ALDH1L1: variants seen among roughly 807,000 people sequenced by gnomAD.
ALDH1L1 encodes the protein aldehyde dehydrogenase 1 family member L1.
In ALDH1L1, 68 loss-of-function variants were observed where a neutral mutation model predicts 101.1. The observed-to-expected ratio is 0.67, with a 90% CI of 0.55 to 0.82. The LOEUF (loss-of-function observed/expected upper bound fraction) is 0.82. ALDH1L1 is among the 40% of genes least tolerant of loss of function. The pLI is 0.00. For missense variants in ALDH1L1, 1,087 were observed against 1,172.7 expected (o/e 0.93, Z 1.07); for synonymous variants, 486 against 470.8 (o/e 1.03, Z -0.42).
At chr3:126,146,705 CCCTT>C in intron 9 of ALDH1L1, 126 bp downstream of exon 9, 2 of 917,888 alleles carry the variant, frequency 2.2e-6, no homozygotes, top group Non-Finnish European at 3.3e-6. Flanking sequence ...TGCACACTGG[CCCTT>C]CCTGGGTCCC....
chr3:126,114,422 T>C (rs1688707289), intron 18 of ALDH1L1, 135 bp downstream of exon 18: 3 of 621,038 alleles, frequency 4.8e-6, no homozygotes, highest in African/African-American at 3.7e-5. Flanking sequence ...TGCCACGCTA[T>C]GCTTGTGATG....
chr3:126,112,906 G>T (rs1273552344), intron 18 of ALDH1L1, 26 bp from the exon 19 acceptor site: 12 of 1,605,904 alleles, frequency 7.5e-6, no homozygotes, highest in Non-Finnish European at 9.4e-6. Context: ...AAGAACACCA[G>T]GTCACTGCTC....
chr3:126,186,968 C>A (rs893165307), intron 1 of ALDH1L1, among the ~76,000 whole-genome samples: 1 of 152,180 alleles, frequency 6.6e-6, no homozygotes, highest in Non-Finnish European at 1.5e-5. Flanking sequence ...GCTGGGAGGG[C>A]AAAGTCACTG....
intron 20 of ALDH1L1, chr3:126,108,125 A>G (rs1477840476): frequency 1.3e-5 from 2 of 152,260 alleles, no homozygotes; most frequent in African/African-American, 4.8e-5. Context: ...ATGTACATGC[A>G]TAGTGGTTTA....
chr3:126,123,105 TATATC>T (rs766656272), intron 16 of ALDH1L1, among the ~76,000 whole-genome samples: 2 of 152,166 alleles, frequency 1.3e-5, no homozygotes, highest in Non-Finnish European at 2.9e-5. Context: ...TGTAAAAATA[TATATC>T]ATGTCAACAG....
At chr3:126,178,964 CG>C (rs896073989) in intron 1 of ALDH1L1, among the ~76,000 whole-genome samples, 8 of 151,524 alleles carry the variant, frequency 5.3e-5, no homozygotes, top group African/African-American at 1.9e-4. Context: ...AAGAGTATGT[CG>C]TTCCCCCCCT....
intron 16 of ALDH1L1, among the ~76,000 whole-genome samples, chr3:126,124,114 C>T (rs1219338034): frequency 4.2e-5 from 1 of 23,640 alleles, no homozygotes; most frequent in Non-Finnish European, 8.8e-5. Context: ...CGCGCGGACA[C>T]ACACACACAC....
At chr3:126,107,117 T>TGAGACATCAGCAGGATTCCC in intron 21 of ALDH1L1, 24 bp downstream of exon 21, 1 of 1,600,516 alleles carries the variant, frequency 6.2e-7, no homozygotes, top group Non-Finnish European at 8.6e-7. Flanking sequence ...TCAGGGCCCT[T>TGAGACATCAGCAGGATTCCC]GAGACATCAG....
upstream of ALDH1L1, among the ~76,000 whole-genome samples, chr3:126,184,107 C>T (rs1043277442): frequency 3.3e-5 from 5 of 152,184 alleles, no homozygotes; most frequent in Non-Finnish European, 7.3e-5. Context: ...TTTCCGAATC[C>T]ATCCTTTCAT....
chr3:126,129,220 G>A (rs2080248772), intron 14 of ALDH1L1: 5 of 152,302 alleles, frequency 3.3e-5, no homozygotes, highest in Admixed American at 2.6e-4. Flanking sequence ...GCCTCCTCCA[G>A]CCCGTGCTTG....
intron 9 of ALDH1L1, among the ~76,000 whole-genome samples, chr3:126,143,894 T>C (rs1304537041): frequency 6.6e-6 from 1 of 152,214 alleles, no homozygotes; most frequent in Non-Finnish European, 1.5e-5. Context: ...CATTGGGCTA[T>C]GATCAAACCA....
chr3:126,147,480 G>T (rs4646721), intron 8 of ALDH1L1, among the ~76,000 whole-genome samples: 7 of 152,154 alleles, frequency 4.6e-5, no homozygotes, highest in South Asian at 2.1e-4. Flanking sequence ...GATTCAGTCT[G>T]GGACCTATGG....
At chr3:126,120,842 A>C (rs939162350) in intron 16 of ALDH1L1, among the ~76,000 whole-genome samples, 1 of 152,224 alleles carries the variant, frequency 6.6e-6, no homozygotes, top group African/African-American at 2.4e-5. Context: ...AAATATTTGC[A>C]AAAAGGTATC....
intron 15 of ALDH1L1, 128 bp from the exon 16 acceptor site, chr3:126,124,579 C>A: frequency 1.3e-6 from 1 of 753,892 alleles, no homozygotes; most frequent in Non-Finnish European, 2.2e-6. Context: ...GATTGTGGCA[C>A]CAGGAAGACC....
At chr3:126,119,209 G>C (rs760008199) in intron 16 of ALDH1L1, among the ~76,000 whole-genome samples, 1 of 152,138 alleles carries the variant, frequency 6.6e-6, no homozygotes, top group Non-Finnish European at 1.5e-5. Context: ...GCCATCTTCA[G>C]GTATGTCACC....
rs200389508 is a variant in ALDH1L1, at chr3:126,170,985, CACTAAG to C, written c.-24+9485_-24+9490del. Among the ~76,000 whole-genome samples, 100 of 152,238 alleles carry C rather than the reference CACTAAG, an allele frequency of 6.6e-4. No homozygotes were observed. In the East Asian group the frequency reaches 0.019, roughly 29 times the overall value. ...AAGCACATTCCCTTTCCTTCAGGGG[CACTAAG>C]ACAGGAAAGCTAAAAGCAGACTCTT... On this transcript the variant is annotated intron_variant, in intron 1 of 22. Coordinates refer to ENST00000393434, the MANE Select transcript of ALDH1L1 (RefSeq NM_012190.4).
intron 9 of ALDH1L1, among the ~76,000 whole-genome samples, chr3:126,142,363 G>A (rs192226229): frequency 1.3e-5 from 2 of 152,330 alleles, no homozygotes; most frequent in African/African-American, 4.8e-5. Context: ...CGTTTACTCT[G>A]AGACCAAAGC....
Position 126,135,557 on chromosome 3 carries a change from C to G in ALDH1L1, c.1450G>C (p.Asp484His). ...NGRWGKISAR[D>H]RGRLMYRLAD... Reference sequence around the variant, plus strand: ...CACCTGTACATCAGCCGGCCCCGGTCCCGCGCACTGATCTTCCCCCACCGT... The same window carrying G: ...CACCTGTACATCAGCCGGCCCCGGTGCCGCGCACTGATCTTCCCCCACCGT... Residue 484 changes from aspartate to histidine, a missense_variant, in exon 12 of 23, where the codon GAC becomes CAC. Physicochemically the swap from Asp to His is moderately conservative, Grantham distance 81. Coordinates refer to ENST00000393434, the MANE Select transcript of ALDH1L1 (RefSeq NM_012190.4). The G allele has an allele frequency of 6.2e-7, 1 of 1,607,820 alleles. No homozygotes were observed. The highest frequency in any genetic ancestry group is 8.5e-7 in the Non-Finnish European group (1 of 1,177,740).
upstream of ALDH1L1, chr3:126,180,640 C>T: frequency 7.6e-7 from 1 of 1,307,704 alleles, no homozygotes; most frequent in Non-Finnish European, 9.8e-7. Flanking sequence ...GGGAGGGGCG[C>T]GGGGCGGGCG....
Sources: allele counts gnomAD v4.1 joint callset (sites outside exome capture counted in the v4.1 genomes callset), GRCh38; gene constraint gnomAD v4.1.1; transcripts MANE v1.5; gene names NCBI Gene and HGNC (gene_info 2026-07-23, HGNC 2026-07-21).